RGS6: variants seen among roughly 807,000 people sequenced by gnomAD.
RGS6 encodes the protein regulator of G-protein signaling 6.
Under a neutral mutation model 78.5 loss-of-function variants are expected in RGS6, and 30 were observed. The ratio of observed to expected loss-of-function variants is 0.38; its 90% confidence interval spans 0.29 to 0.52. The LOEUF is 0.52. Ranked by LOEUF, RGS6 falls within the 20% of genes least tolerant of loss-of-function variation. The probability of loss-of-function intolerance (pLI) is 0.85; values close to 1 mark genes in which losing one functional copy is unlikely to be tolerated. For missense variants in RGS6, 495 were observed against 609.7 expected (o/e 0.81, Z 1.98); for synonymous variants, 206 against 206.0 (o/e 1.00, Z 0.00).
intron 2 of RGS6, among the ~76,000 whole-genome samples, chr14:72,012,687 T>A (rs1224416914): frequency 6.6e-6 from 1 of 152,200 alleles, no homozygotes; most frequent in African/African-American, 2.4e-5. Flanking sequence ...ACCTTTGTTG[T>A]CTGTCTCTAA....
intron 2 of RGS6, among the ~76,000 whole-genome samples, chr14:72,148,958 A>G (rs2096645251): frequency 1.3e-5 from 2 of 152,234 alleles, no homozygotes; most frequent in African/African-American, 4.8e-5. Flanking sequence ...AACAACATTT[A>G]CTGTGCTCAT....
chr14:72,069,300 T>TC (rs753442889), intron 2 of RGS6, among the ~76,000 whole-genome samples: 16 of 152,154 alleles, frequency 1.1e-4, no homozygotes, highest in Non-Finnish European at 2.4e-4. Flanking sequence ...ATATTTTTTT[T>TC]CTCATCCTAT....
At chr14:72,488,429 C>A (rs1362518802) in intron 12 of RGS6, among the ~76,000 whole-genome samples, 1 of 152,216 alleles carries the variant, frequency 6.6e-6, no homozygotes, top group East Asian at 1.9e-4. Context: ...TCACCTTGGG[C>A]TCTCAACCAC....
At chr14:72,085,167 G>T (rs921774802) in intron 2 of RGS6, among the ~76,000 whole-genome samples, 1 of 152,208 alleles carries the variant, frequency 6.6e-6, no homozygotes, top group Non-Finnish European at 1.5e-5. Context: ...ACAGTAAGGC[G>T]TGAGGGTAAG....
intron 2 of RGS6, among the ~76,000 whole-genome samples, chr14:72,149,900 C>T (rs1159853452): frequency 1.3e-5 from 2 of 152,130 alleles, no homozygotes; most frequent in Non-Finnish European, 2.9e-5. Flanking sequence ...AGGTATCTCT[C>T]CTTTATCCTT....
At chr14:72,259,497 A>T (rs1345796077) in intron 2 of RGS6, among the ~76,000 whole-genome samples, 1 of 152,166 alleles carries the variant, frequency 6.6e-6, no homozygotes, top group Non-Finnish European at 1.5e-5. Flanking sequence ...CCCTGAGAGG[A>T]TTGATTGATA....
At chr14:72,409,833 A>G (rs1229325918) in intron 3 of RGS6, among the ~76,000 whole-genome samples, 1 of 151,972 alleles carries the variant, frequency 6.6e-6, no homozygotes, top group African/African-American at 2.4e-5. Flanking sequence ...TTGTTCTTGC[A>G]ATAGTTTGCT....
chr14:72,421,218 A>AG (rs967601203), intron 3 of RGS6: 1 of 151,898 alleles, frequency 6.6e-6, no homozygotes. Context: ...ATGTGGGGTG[A>AG]GGGGAAGGGA....
chr14:72,478,260 T>G lies in RGS6; in HGVS notation c.793-8T>G, dbSNP rs2096286590. On this transcript the variant is annotated splice_region_variant and splice_polypyrimidine_tract_variant and intron_variant, in intron 11 of 17. Coordinates refer to ENST00000553525, the MANE Select transcript of RGS6 (RefSeq NM_001204424.2). Reference sequence around the variant, plus strand: ...TGGTCTTAACATCTGTGTTCTCTATTTTCCCAGATAACATTTTTGAACGCA... The same window carrying G: ...TGGTCTTAACATCTGTGTTCTCTATGTTCCCAGATAACATTTTTGAACGCA... 1 of 1,607,890 alleles carries G rather than the reference T, an allele frequency of 6.2e-7. No individual in the cohort carries two copies. The highest frequency in any genetic ancestry group is 1.7e-5 in the Admixed American group (1 of 59,944).
chr14:72,461,127 TA>T (rs1160788081), intron 6 of RGS6, among the ~76,000 whole-genome samples: 1 of 152,170 alleles, frequency 6.6e-6, no homozygotes, highest in Non-Finnish European at 1.5e-5. Context: ...TGACCGCTCA[TA>T]AAACTAGTGC....
At chr14:71,925,723 A>ATATTATATTATATTATATTATATTATAT in the RGS6 span, among the ~76,000 whole-genome samples, 3 of 148,344 alleles carry the variant, frequency 2.0e-5, no homozygotes, top group African/African-American at 7.5e-5. Context: ...ATATTATATT[A>ATATTATATTATATTATATTATATTATAT]TATTATATTA....
At chr14:72,248,374 GA>G (rs1378858860) in intron 2 of RGS6, among the ~76,000 whole-genome samples, 1 of 152,170 alleles carries the variant, frequency 6.6e-6, no homozygotes, top group Non-Finnish European at 1.5e-5. Context: ...TGGGAAAATA[GA>G]GTAATAATTC....
At chr14:72,163,667 G>A (rs1172799627) in intron 2 of RGS6, among the ~76,000 whole-genome samples, 4 of 152,228 alleles carry the variant, frequency 2.6e-5, no homozygotes, top group Admixed American at 2.0e-4. Context: ...GGCGGATCAC[G>A]AGGTCAGGCG....
intron 1 of RGS6, among the ~76,000 whole-genome samples, chr14:71,955,418 G>C (rs982330330): frequency 5.3e-5 from 8 of 152,204 alleles, no homozygotes; most frequent in African/African-American, 1.9e-4. Context: ...CAAGTCCGTA[G>C]AGTAAACTGA....
intron 2 of RGS6, among the ~76,000 whole-genome samples, chr14:72,145,531 C>T (rs1271326677): frequency 6.6e-6 from 1 of 152,106 alleles, no homozygotes; most frequent in Non-Finnish European, 1.5e-5. Flanking sequence ...CAGGTTGGAG[C>T]GTACTGGTTC....
At position 72,258,751 on chromosome 14, in the gene RGS6, G is replaced by A. The variant is rs2057557814; in HGVS notation, c.85-93344G>A. ...TGTTGTGAAGATTATACTCTGTTGT[G>A]TTATAGAGGTTTAAAGTGGACCTGT... On this transcript the variant is annotated intron_variant, in intron 2 of 17. Transcript: ENST00000553525. Among the ~76,000 whole-genome samples, 10 of 152,262 alleles carry A rather than the reference G, an allele frequency of 6.6e-5. No individual in the cohort carries two copies. The South Asian group carries it at 2.1e-3, about 32-fold the overall frequency.
chr14:71,892,331 C>T, the RGS6 span, among the ~76,000 whole-genome samples: 1 of 152,180 alleles, frequency 6.6e-6, no homozygotes, highest in African/African-American at 2.4e-5. Flanking sequence ...AAAACAGATC[C>T]TTCCTTGTTT....
chr14:72,240,534 G>T (rs114741074), intron 2 of RGS6, among the ~76,000 whole-genome samples: 1 of 152,134 alleles, frequency 6.6e-6, no homozygotes, highest in African/African-American at 2.4e-5. Flanking sequence ...AATTAAGTTT[G>T]TAGCCCCATT....
chr14:72,213,515 G>A (rs573729843), intron 2 of RGS6, among the ~76,000 whole-genome samples: 1 of 152,246 alleles, frequency 6.6e-6, no homozygotes, highest in East Asian at 1.9e-4. Flanking sequence ...TTTGACCGCT[G>A]TAGTGAAGCT....
Sources: gnomAD v4.1 joint callset for allele counts (sites outside exome capture counted in the v4.1 genomes callset) on GRCh38, gnomAD v4.1.1 for gene constraint, MANE v1.5 for transcripts, NCBI Gene and HGNC (gene_info 2026-07-23, HGNC 2026-07-21) for gene names.